CRPPA: variants seen among roughly 807,000 people sequenced by gnomAD.
CRPPA encodes D-ribitol-5-phosphate cytidylyltransferase.
CRPPA carries 43 observed loss-of-function variants against 52.0 expected under a neutral mutation model. The observed-to-expected ratio is 0.83, with a 90% CI of 0.65 to 1.07. The LOEUF is 1.07. CRPPA is among the 50% of genes least tolerant of loss of function. The pLI, the probability that CRPPA is intolerant of heterozygous loss-of-function variation, is 0.00. For missense variants in CRPPA, 629 were observed against 551.7 expected (o/e 1.14, Z -1.40); for synonymous variants, 250 against 203.5 (o/e 1.23, Z -1.94).
chr7:16,334,320 C>T (rs1298356899), intron 3 of CRPPA, among the ~76,000 whole-genome samples: 6 of 152,176 alleles, frequency 3.9e-5, no homozygotes. Flanking sequence ...AGTAATCAAA[C>T]TAAGCCCTGG....
chr7:16,345,396 G>C (rs1045835573), intron 3 of CRPPA, among the ~76,000 whole-genome samples: 1 of 152,122 alleles, frequency 6.6e-6, no homozygotes, highest in Non-Finnish European at 1.5e-5. Flanking sequence ...ACAGTAACCT[G>C]AATCTACATA....
At chr7:16,319,706 G>A (rs1200163660) in intron 3 of CRPPA, among the ~76,000 whole-genome samples, 1 of 152,102 alleles carries the variant, frequency 6.6e-6, no homozygotes, top group Non-Finnish European at 1.5e-5. Context: ...AGCAGCCATG[G>A]GCTTTCCTAT....
chr7:16,358,003 G>C (rs530899656), intron 3 of CRPPA, among the ~76,000 whole-genome samples: 2 of 152,316 alleles, frequency 1.3e-5, no homozygotes, highest in African/African-American at 2.4e-5. Context: ...TGACAGACTG[G>C]CCTGACAAGC....
intron 3 of CRPPA, among the ~76,000 whole-genome samples, chr7:16,340,084 T>A (rs182195715): frequency 1.6e-4 from 24 of 152,280 alleles, no homozygotes; most frequent in Admixed American, 7.2e-4. Context: ...AGACTTTACA[T>A]CTTTCACCCA....
chr7:16,420,384 T>G (rs147393999), intron 1 of CRPPA, among the ~76,000 whole-genome samples: 138 of 152,234 alleles, frequency 9.1e-4, no homozygotes, highest in African/African-American at 3.2e-3. Flanking sequence ...TATTATAACA[T>G]ACCCCTTCAT....
intron 3 of CRPPA, among the ~76,000 whole-genome samples, chr7:16,342,464 A>T (rs1393484446): frequency 6.6e-6 from 1 of 152,078 alleles, no homozygotes; most frequent in African/African-American, 2.4e-5. Context: ...TTCCCAACTA[A>T]AGGAAAGAGA....
chr7:16,153,471 G>C (rs1167311252), intron 9 of CRPPA, among the ~76,000 whole-genome samples: 1 of 152,064 alleles, frequency 6.6e-6, no homozygotes, highest in Non-Finnish European at 1.5e-5. Context: ...GAAAAGGCTT[G>C]CTTCCCTAGT....
intron 9 of CRPPA, among the ~76,000 whole-genome samples, chr7:16,163,436 T>C (rs1780962653): frequency 6.6e-6 from 1 of 152,188 alleles, no homozygotes; most frequent in Non-Finnish European, 1.5e-5. Flanking sequence ...GTCTCCTTAA[T>C]ACAGCACACT....
chr7:16,217,063 A>G (rs1274424412), intron 8 of CRPPA, among the ~76,000 whole-genome samples: 2 of 150,558 alleles, frequency 1.3e-5, no homozygotes, highest in African/African-American at 4.9e-5. Context: ...TGAAGAGAGC[A>G]GTGGTTCTCC....
chr7:16,102,184 C>T (rs1279352400), intron 9 of CRPPA, among the ~76,000 whole-genome samples: 1 of 151,954 alleles, frequency 6.6e-6, no homozygotes, highest in African/African-American at 2.4e-5. Context: ...TTTCACCAAC[C>T]TGACAAAAAC....
chr7:16,353,233 G>A (rs1178116576), intron 3 of CRPPA, among the ~76,000 whole-genome samples: 3 of 151,804 alleles, frequency 2.0e-5, no homozygotes, highest in Non-Finnish European at 4.4e-5. Context: ...ACTGCCTGTG[G>A]TCCGAGTTAC....
chr7:16,089,424 C>CATATATGTGTATATATGTACGTGCATAT lies in CRPPA; in HGVS notation c.*2270_*2271insATATGCACGTACATATATACACATATAT, dbSNP rs1353339112. ...TAATGTGTATATATGTACGTACATA[C>CATATATGTGTATATATGTACGTGCATAT]ATATATGTGTATATATGTACGTGCA... On this transcript the variant is annotated 3_prime_UTR_variant, in exon 10 of 10. Coordinates refer to ENST00000407010, the MANE Select transcript of CRPPA (RefSeq NM_001101426.4). The CATATATGTGTATATATGTACGTGCATAT allele has an allele frequency of 3.2e-6, 1 of 310,226 alleles. No individual in the cohort carries two copies. The highest frequency in any genetic ancestry group is 7.2e-6 in the Non-Finnish European group (1 of 138,478). The allele number at this position is 310,226 out of a possible 1,614,324, so 19.2% of individuals were successfully genotyped here. A position where few individuals can be genotyped will look rare whatever the true frequency, so the allele number is the denominator to read the frequency against.
In CRPPA at chr7:16,238,141, C is replaced by A. The variant is rs192182406; in HGVS notation, c.1119+20249G>T. ...ATCCTTATTTTAGAAAAAAACAGAC[C>A]AATACAATTATTTCCTTAATATATA... On this transcript the variant is annotated intron_variant, in intron 8 of 9. Coordinates refer to ENST00000407010, the MANE Select transcript of CRPPA (RefSeq NM_001101426.4). Among the ~76,000 whole-genome samples, 21 of 152,024 alleles carry A rather than the reference C, an allele frequency of 1.4e-4. No individual in the cohort carries two copies. The East Asian group carries it at 4.0e-3, about 29-fold the overall frequency.
chr7:16,324,057 T>G (rs1413613733), intron 3 of CRPPA, among the ~76,000 whole-genome samples: 2 of 152,196 alleles, frequency 1.3e-5, no homozygotes, highest in Non-Finnish European at 2.9e-5. Context: ...CGTTCTATCT[T>G]GTGAGATGGA....
intron 9 of CRPPA, among the ~76,000 whole-genome samples, chr7:16,143,102 G>A (rs774052486): frequency 6.6e-5 from 10 of 152,144 alleles, no homozygotes; most frequent in East Asian, 1.9e-4. Context: ...ACAGTTCCTG[G>A]CACAGAGTAG....
Position 16,414,336 on chromosome 7 carries a change from C to T in CRPPA, c.257+6730G>A, listed in dbSNP as rs1788138606. Among the ~76,000 whole-genome samples, 4 of 146,814 alleles carry T rather than the reference C, an allele frequency of 2.7e-5. No homozygotes were observed. The Admixed American group carries it at 2.8e-4, about 10-fold the overall frequency. ...TATTTTTCAGCTATTCCAGGTTGAC[C>T]ACCCCCCTACCCCAACACACACACA... is the stretch of plus-strand genomic sequence containing the variant. On this transcript the variant is annotated intron_variant, in intron 1 of 9. Coordinates refer to ENST00000407010, the MANE Select transcript of CRPPA (RefSeq NM_001101426.4).
chr7:16,340,975 T>G (rs1562641988), intron 3 of CRPPA, among the ~76,000 whole-genome samples: 1 of 152,158 alleles, frequency 6.6e-6, no homozygotes, highest in African/African-American at 2.4e-5. Context: ...TAAATGCATA[T>G]TACTGAGTGA....
chr7:16,244,919 T>C (rs759335322), intron 8 of CRPPA, among the ~76,000 whole-genome samples: 4 of 152,220 alleles, frequency 2.6e-5, no homozygotes, highest in Non-Finnish European at 4.4e-5. Context: ...TATTTTTCTA[T>C]AACTTTGATA....
intron 9 of CRPPA, among the ~76,000 whole-genome samples, chr7:16,180,277 G>A (rs10263799): frequency 2.6e-5 from 4 of 151,956 alleles, no homozygotes; most frequent in Admixed American, 1.3e-4. Context: ...TTTTGGTAAT[G>A]CTAATATACA....
Sources: allele counts gnomAD v4.1 joint callset (sites outside exome capture counted in the v4.1 genomes callset), GRCh38; gene constraint gnomAD v4.1.1; transcripts MANE v1.5; gene names NCBI Gene and HGNC (gene_info 2026-07-23, HGNC 2026-07-21).